The following WWOX variants were observed in gnomAD, a reference collection of about 807,000 sequenced individuals.
The protein encoded by WWOX is WW domain containing oxidoreductase.
A neutral mutation model predicts 46.2 loss-of-function variants in WWOX; 69 were observed. The observed-to-expected ratio is 1.49, with a 90% CI of 1.23 to 1.82. The LOEUF (loss-of-function observed/expected upper bound fraction) is 1.82, where lower values mean the gene tolerates loss of function less well. WWOX is among the 40% of genes most tolerant of loss of function. WWOX has a pLI of 0.00. For missense variants in WWOX, 919 were observed against 542.6 expected, an observed-to-expected ratio of 1.69 and a Z score of -6.89; for synonymous variants, 359 against 202.6, an observed-to-expected ratio of 1.77 and a Z score of -6.56.
chr16:78,633,525 A>T (rs185862536), intron 8 of WWOX, among the ~76,000 whole-genome samples: 49 of 152,318 alleles, frequency 3.2e-4, no homozygotes, highest in Non-Finnish European at 4.9e-4. Flanking sequence ...TAGCTAACGC[A>T]TGGCAACGCT....
intron 8 of WWOX, among the ~76,000 whole-genome samples, chr16:78,788,599 C>G (rs1030985323): frequency 8.5e-5 from 13 of 152,212 alleles, no homozygotes; most frequent in African/African-American, 2.4e-4. Flanking sequence ...GCTCCATGCC[C>G]CTACCCCATA....
rs2052334432 is a variant in WWOX at position 78,847,604 on chromosome 16, G to C, written c.1057-364004G>C. ...CCGCCTCAGCTTCCCTAAGTGTTGG[G>C]ATTACAGACTTGAGCCACTGCATCT... On this transcript the variant is annotated intron_variant, in intron 8 of 8. Transcript: ENST00000566780. 3.9e-5 allele frequency among the ~76,000 whole-genome samples: 6 copies of C among 152,062 alleles called. No individual in the cohort carries two copies. The South Asian group carries it at 1.2e-3, about 32-fold the overall frequency.
intron 8 of WWOX, among the ~76,000 whole-genome samples, chr16:78,440,201 A>G (rs1269652598): frequency 1.3e-5 from 2 of 152,178 alleles, no homozygotes; most frequent in East Asian, 1.9e-4. Context: ...TGGAAATGCT[A>G]TCGATTTTAT....
At position 78,100,022 on chromosome 16, in the gene WWOX, G is replaced by A; in HGVS notation, c.107+137G>A. 5 of 1,469,686 alleles carry A rather than the reference G, an allele frequency of 3.4e-6. No homozygotes were observed. In the African/African-American group the frequency reaches 4.4e-5, roughly 13 times the overall value. 91.0% of individuals were successfully genotyped at this position (1,469,686 alleles called of 1,614,324 possible). The stretch of plus-strand genomic sequence containing the variant: ...AAAGTAACTGTTAAGGAGCTTCAGG[G>A]AAAAGGGTCCAGGGTTCCCAGTAGG... On this transcript the variant is annotated intron_variant, in intron 1 of 8. Transcript: ENST00000566780.
rs965660904 is a variant in WWOX at position 78,770,078 on chromosome 16, A to G, written c.1056+337326A>G. Among the ~76,000 whole-genome samples the G allele has an allele frequency of 2.6e-5, 4 of 151,596 alleles. No homozygotes were observed. In the South Asian group the frequency reaches 6.3e-4, roughly 24 times the overall value. The stretch of plus-strand genomic sequence containing the variant: ...TAAAATAAAAAAGAGTAGGTCGGGC[A>G]TGGTGGGTCATGCATGTAATCCCAG... On this transcript the variant is annotated intron_variant, in intron 8 of 8. Transcript: ENST00000566780.
chr16:78,443,673 T>A (rs1014008492), intron 8 of WWOX, among the ~76,000 whole-genome samples: 2 of 152,240 alleles, frequency 1.3e-5, no homozygotes, highest in Non-Finnish European at 2.9e-5. Flanking sequence ...AATGAACATT[T>A]AACCAAGATT....
chr16:79,154,511 A>G (rs906448539), intron 8 of WWOX, among the ~76,000 whole-genome samples: 1 of 152,072 alleles, frequency 6.6e-6, no homozygotes, highest in Non-Finnish European at 1.5e-5. Context: ...TGCAAAAAAA[A>G]AAAAAAAAAG....
At chr16:79,166,459 G>A (rs1451516902) in intron 8 of WWOX, among the ~76,000 whole-genome samples, 1 of 152,112 alleles carries the variant, frequency 6.6e-6, no homozygotes, top group African/African-American at 2.4e-5. Flanking sequence ...GAGCCACTGT[G>A]TACTTTCATA....
At chr16:79,081,502 T>C (rs573928712) in intron 8 of WWOX, among the ~76,000 whole-genome samples, 15 of 152,214 alleles carry the variant, frequency 9.9e-5, no homozygotes, top group Non-Finnish European at 2.2e-4. Flanking sequence ...CATGGCGATG[T>C]GTTATAACAG....
chr16:78,844,115 C>T (rs569664288), intron 8 of WWOX, among the ~76,000 whole-genome samples: 5 of 152,164 alleles, frequency 3.3e-5, no homozygotes, highest in South Asian at 4.2e-4. Flanking sequence ...CCTTGTAGAC[C>T]GATACTGTGG....
intron 8 of WWOX, among the ~76,000 whole-genome samples, chr16:78,507,594 C>A (rs765806265): frequency 6.6e-6 from 1 of 152,154 alleles, no homozygotes; most frequent in Non-Finnish European, 1.5e-5. Context: ...CATGCAACAT[C>A]AGTGTCACAC....
In WWOX at chr16:78,137,431, A is replaced by G. The variant is rs1024495746; in HGVS notation, c.409+22277A>G. 5.3e-5 allele frequency among the ~76,000 whole-genome samples: 8 copies of G among 152,304 alleles called. No individual in the cohort carries two copies. The East Asian group carries it at 1.4e-3, about 26-fold the overall frequency. On this transcript the variant is annotated intron_variant, in intron 4 of 8. Coordinates refer to ENST00000566780, the MANE Select transcript of WWOX (RefSeq NM_016373.4). ...ACGTCAGCATCACAGAGTTGTGAGA[A>G]TTCGACAAGGTGGAATGAAAGCAAC...
At position 79,212,124 on chromosome 16, in the gene WWOX, G is replaced by A. The variant is rs1363033197; in HGVS notation, c.*328G>A. 3 of 1,532,812 alleles carry A rather than the reference G, an allele frequency of 2.0e-6. No homozygotes were observed. Among genetic ancestry groups the A allele is most frequent in the Non-Finnish European group, 1.7e-6 (2 of 1,145,054 alleles). The allele number at this position is 1,532,812 out of a possible 1,614,324, so 95.0% of individuals were successfully genotyped here. Reference sequence around the variant, plus strand: ...CAATTCTCTTTCTTTTACTGTTATAGAATAGCCTGAGGTCCCCTCGTCCCA... The same window carrying A: ...CAATTCTCTTTCTTTTACTGTTATAAAATAGCCTGAGGTCCCCTCGTCCCA... On this transcript the variant is annotated 3_prime_UTR_variant, in exon 9 of 9. Transcript: ENST00000566780.
intron 8 of WWOX, among the ~76,000 whole-genome samples, chr16:78,934,004 C>G (rs2151284726): frequency 6.6e-6 from 1 of 152,024 alleles, no homozygotes; most frequent in African/African-American, 2.4e-5. Context: ...CTAGCCGAGG[C>G]AACACATAGA....
chr16:78,592,972 G>C (rs890324420), intron 8 of WWOX, among the ~76,000 whole-genome samples: 1 of 152,172 alleles, frequency 6.6e-6, no homozygotes, highest in Non-Finnish European at 1.5e-5. Context: ...TCTCCCAGTG[G>C]TGGTGATTTA....
chr16:78,629,011 C>T (rs1017337842), intron 8 of WWOX, among the ~76,000 whole-genome samples: 1 of 152,174 alleles, frequency 6.6e-6, no homozygotes, highest in Non-Finnish European at 1.5e-5. Context: ...TTCCCTTGAA[C>T]CCGTTCCAAA....
intron 8 of WWOX, among the ~76,000 whole-genome samples, chr16:78,458,445 G>A (rs547877855): frequency 2.0e-5 from 3 of 151,778 alleles, no homozygotes; most frequent in African/African-American, 7.3e-5. Context: ...ATTTTTTATA[G>A]AGACAAGGTT....
chr16:78,829,640 C>T (rs1395563781), intron 8 of WWOX, among the ~76,000 whole-genome samples: 3 of 152,124 alleles, frequency 2.0e-5, no homozygotes, highest in Non-Finnish European at 2.9e-5. Context: ...TTCCCTTAGC[C>T]TGTACTAGGT....
intron 4 of WWOX, among the ~76,000 whole-genome samples, chr16:78,118,380 C>T (rs2032918126): frequency 6.6e-6 from 1 of 151,970 alleles, no homozygotes; most frequent in East Asian, 1.9e-4. Flanking sequence ...TTCATGAAGT[C>T]CTAGGTTTTA....
Sources: gnomAD v4.1 joint callset for allele counts (sites outside exome capture counted in the v4.1 genomes callset) on GRCh38, gnomAD v4.1.1 for gene constraint, MANE v1.5 for transcripts, NCBI Gene and HGNC (gene_info 2026-07-23, HGNC 2026-07-21) for gene names.